UTS2: variants seen among roughly 807,000 people sequenced by gnomAD.
The protein encoded by UTS2 is urotensin-2.
A neutral mutation model predicts 12.6 loss-of-function variants in UTS2; 10 were observed. The observed-to-expected ratio is 0.80, with a 90% CI of 0.49 to 1.35. The LOEUF (loss-of-function observed/expected upper bound fraction) is 1.35, where lower values mean the gene tolerates loss of function less well. UTS2 is among the 40% of genes most tolerant of loss of function. The probability of loss-of-function intolerance (pLI) is 0.00; values close to 1 mark genes in which losing one functional copy is unlikely to be tolerated. For missense variants in UTS2, 142 were observed against 143.2 expected (o/e 0.99, Z 0.04); for synonymous variants, 52 against 50.0 (o/e 1.04, Z -0.17).
At chr1:7,877,958 A>G in the UTS2 span, among the ~76,000 whole-genome samples, 1 of 152,350 alleles carries the variant, frequency 6.6e-6, no homozygotes, top group East Asian at 1.9e-4. Flanking sequence ...AGATTTCCAA[A>G]TAGCTTCAAC....
intron 3 of UTS2, 87 bp from the exon 4 acceptor site, chr1:7,847,969 G>C (rs2097409591): frequency 1.1e-6 from 1 of 932,370 alleles, no homozygotes; most frequent in African/African-American, 1.7e-5. Context: ...AAGGAATCTT[G>C]AGTCAAGACA....
the UTS2 span, among the ~76,000 whole-genome samples, chr1:7,879,732 C>G: frequency 6.9e-6 from 1 of 144,278 alleles, no homozygotes; most frequent in African/African-American, 2.7e-5. Context: ...TAGAGCAAGA[C>G]TCTGTCTAAC....
intron 1 of UTS2, among the ~76,000 whole-genome samples, chr1:7,851,868 G>A (rs550581909): frequency 6.6e-6 from 1 of 152,312 alleles, no homozygotes; most frequent in South Asian, 2.1e-4. Flanking sequence ...TTTCATCTAT[G>A]TTTCTTAAAT....
At chr1:7,905,998 G>T in the UTS2 span, among the ~76,000 whole-genome samples, 1 of 151,072 alleles carries the variant, frequency 6.6e-6, no homozygotes, top group Non-Finnish European at 1.5e-5. Context: ...GTGGGTGGGG[G>T]TCGGGAACAC....
chr1:7,909,199 A>G, the UTS2 span, among the ~76,000 whole-genome samples: 1 of 152,132 alleles, frequency 6.6e-6, no homozygotes, highest in East Asian at 1.9e-4. Flanking sequence ...GTTCAAGATG[A>G]GATTTGGGTG....
chr1:7,891,536 AAAAGAAAGAAAGAAAGAAAGAAAG>A, the UTS2 span, among the ~76,000 whole-genome samples: 14 of 109,906 alleles, frequency 1.3e-4, no homozygotes, highest in East Asian at 2.9e-4. Context: ...AGAAAGAAAG[AAAAGAAAGAAAGAAAGAAAGAAAG>A]AAAGAAAGAA....
At chr1:7,904,349 T>G in the UTS2 span, among the ~76,000 whole-genome samples, 3 of 151,430 alleles carry the variant, frequency 2.0e-5, no homozygotes, top group Admixed American at 6.6e-5. Flanking sequence ...TGGTGGCGCA[T>G]GCCTGTAGTC....
the UTS2 span, among the ~76,000 whole-genome samples, chr1:7,885,591 G>T: frequency 4.6e-5 from 7 of 152,068 alleles, no homozygotes; most frequent in African/African-American, 1.7e-4. Context: ...AGACGGGGCC[G>T]GGGAGGGGAG....
At chr1:7,885,843 AG>A in the UTS2 span, among the ~76,000 whole-genome samples, 10 of 112 alleles carry the variant, frequency 0.089, no homozygotes, top group South Asian at 0.33. Flanking sequence ...AGGAAGGGCG[AG>A]GCCCAGGAGA....
At chr1:7,867,961 G>A in the UTS2 span, among the ~76,000 whole-genome samples, 1 of 152,148 alleles carries the variant, frequency 6.6e-6, no homozygotes, top group South Asian at 2.1e-4. Flanking sequence ...TGTTACAGTA[G>A]CCCAAGTGCA....
chr1:7,880,512 A>T, the UTS2 span, among the ~76,000 whole-genome samples: 98 of 152,270 alleles, frequency 6.4e-4, 1 homozygote, highest in South Asian at 0.02. Flanking sequence ...AATACAAAGG[A>T]TCATTGGAGA....
At chr1:7,887,762 G>GA in the UTS2 span, among the ~76,000 whole-genome samples, 13,554 of 126,422 alleles carry the variant, frequency 0.11, 733 homozygotes, top group Middle Eastern at 0.15. Context: ...TCTCTAAAAG[G>GA]AAAAAAAAAA....
intron 3 of UTS2, 31 bp from the exon 4 acceptor site, chr1:7,847,913 A>C (rs1239868138): frequency 7.4e-6 from 11 of 1,482,774 alleles, no homozygotes; most frequent in Non-Finnish European, 1.0e-5. Context: ...AACAACAACA[A>C]AAAAAAACAG....
At chr1:7,853,502 C>A, upstream of UTS2, 1 of 1,547,454 alleles carries the variant, frequency 6.5e-7, no homozygotes. Context: ...TGAAGAATGA[C>A]AATCTGTGGA....
chr1:7,891,307 C>T, the UTS2 span, among the ~76,000 whole-genome samples: 2 of 152,048 alleles, frequency 1.3e-5, no homozygotes, highest in Non-Finnish European at 2.9e-5. Flanking sequence ...GGCCGGATCA[C>T]CTGAGGTCAG....
At chr1:7,880,423 AG>A in the UTS2 span, among the ~76,000 whole-genome samples, 2 of 15,704 alleles carry the variant, frequency 1.3e-4, no homozygotes, top group South Asian at 2.6e-3. Flanking sequence ...TGGGGTGGGG[AG>A]GGGGGAGGGG....
the UTS2 span, among the ~76,000 whole-genome samples, chr1:7,864,584 T>C: frequency 6.6e-6 from 1 of 151,672 alleles, no homozygotes; most frequent in African/African-American, 2.4e-5. Flanking sequence ...AACCATTCTC[T>C]GCTCTGCGTG....
At chr1:7,898,020 A>G in the UTS2 span, among the ~76,000 whole-genome samples, 35,478 of 152,016 alleles carry the variant, frequency 0.23, 5,186 homozygotes, top group East Asian at 0.66. Context: ...TAATATTATG[A>G]CCAACCATCT....
chr1:7,878,909 GA>G, the UTS2 span, among the ~76,000 whole-genome samples: 9 of 152,110 alleles, frequency 5.9e-5, no homozygotes, highest in African/African-American at 2.2e-4. Context: ...AGTGTTAAAA[GA>G]GACAAATAAT....
Sources: gnomAD v4.1 joint callset for allele counts (sites outside exome capture counted in the v4.1 genomes callset) on GRCh38, gnomAD v4.1.1 for gene constraint, MANE v1.5 for transcripts, NCBI Gene and HGNC (gene_info 2026-07-23, HGNC 2026-07-21) for gene names.